Variants in RPS6KC1 observed in about 807,000 individuals in gnomAD.
The protein encoded by RPS6KC1 is inactive ribosomal protein S6 kinase delta-1.
Under a neutral mutation model 103.8 loss-of-function variants are expected in RPS6KC1, and 54 were observed. That is an observed-to-expected ratio of 0.52 (90% CI 0.42 to 0.65). The LOEUF (loss-of-function observed/expected upper bound fraction) is 0.65, where lower values mean the gene tolerates loss of function less well. RPS6KC1 is among the 30% of genes least tolerant of loss of function. The pLI is 0.00. For synonymous variants in RPS6KC1, 439 were observed against 438.7 expected (o/e 1.00, Z -0.01); for missense variants, 1,151 against 1,253.8 (o/e 0.92, Z 1.24).
chr1:213,752,105 T>A, the RPS6KC1 span, among the ~76,000 whole-genome samples: 2,195 of 152,316 alleles, frequency 0.014, 36 homozygotes, highest in East Asian at 0.07. Flanking sequence ...TAGCATTAGA[T>A]TATTTTTGAA....
chr1:213,806,974 G>C, the RPS6KC1 span, among the ~76,000 whole-genome samples: 1 of 151,694 alleles, frequency 6.6e-6, no homozygotes, highest in Non-Finnish European at 1.5e-5. Context: ...GGGCAGGCCT[G>C]GTGGTGACAA....
chr1:213,087,710 C>T (rs1211126961), intron 3 of RPS6KC1, among the ~76,000 whole-genome samples: 1 of 152,128 alleles, frequency 6.6e-6, no homozygotes, highest in Non-Finnish European at 1.5e-5. Context: ...GCAGGCTCAG[C>T]CAGTTTGGTG....
At chr1:213,631,988 C>T in the RPS6KC1 span, among the ~76,000 whole-genome samples, 1 of 152,256 alleles carries the variant, frequency 6.6e-6, no homozygotes, top group East Asian at 1.9e-4. Flanking sequence ...GAGAATGTCA[C>T]ATAAATGGAA....
chr1:213,431,337 T>C, the RPS6KC1 span, among the ~76,000 whole-genome samples: 1 of 152,150 alleles, frequency 6.6e-6, no homozygotes, highest in Non-Finnish European at 1.5e-5. Flanking sequence ...TACGGAAAAG[T>C]ACATAATTCC....
chr1:213,262,326 G>A, intron 13 of RPS6KC1, among the ~76,000 whole-genome samples: 1 of 152,150 alleles, frequency 6.6e-6, no homozygotes, highest in East Asian at 1.9e-4. Context: ...AAACTGTAAA[G>A]TGCTATATAT....
chr1:213,734,318 A>G, the RPS6KC1 span, among the ~76,000 whole-genome samples: 1 of 152,246 alleles, frequency 6.6e-6, no homozygotes, highest in South Asian at 2.1e-4. Flanking sequence ...CGATGATATC[A>G]TTTTAGCCAA....
At chr1:213,325,661 G>T in the RPS6KC1 span, among the ~76,000 whole-genome samples, 2 of 152,018 alleles carry the variant, frequency 1.3e-5, no homozygotes, top group African/African-American at 2.4e-5. Flanking sequence ...TTCTGGGAAA[G>T]AGGAAGGAAG....
the RPS6KC1 span, among the ~76,000 whole-genome samples, chr1:213,670,449 A>C: frequency 6.6e-6 from 1 of 152,210 alleles, no homozygotes; most frequent in Admixed American, 6.5e-5. Context: ...GAGCCTTTAA[A>C]ATGAAAGTGT....
At chr1:213,363,604 C>CGCTT in the RPS6KC1 span, among the ~76,000 whole-genome samples, 1,948 of 84,432 alleles carry the variant, frequency 0.023, 182 homozygotes, top group East Asian at 0.038. Context: ...CTTGCTCGCT[C>CGCTT]GCTTGCTTGC....
chr1:213,073,611 G>A (rs1049962521), intron 2 of RPS6KC1, among the ~76,000 whole-genome samples: 1 of 152,070 alleles, frequency 6.6e-6, no homozygotes, highest in African/African-American at 2.4e-5. Context: ...TATGTATTAT[G>A]TCAGAAATCT....
the RPS6KC1 span, among the ~76,000 whole-genome samples, chr1:213,298,252 T>C: frequency 6.6e-6 from 1 of 152,272 alleles, no homozygotes; most frequent in Non-Finnish European, 1.5e-5. Context: ...ATCTTTTGCC[T>C]AAATGTATAT....
the RPS6KC1 span, among the ~76,000 whole-genome samples, chr1:213,297,534 A>G: frequency 6.6e-6 from 1 of 152,198 alleles, no homozygotes; most frequent in Non-Finnish European, 1.5e-5. Flanking sequence ...TTGAGTCCAC[A>G]TGATGGAAGG....
At chr1:213,587,929 G>A in the RPS6KC1 span, among the ~76,000 whole-genome samples, 103 of 152,260 alleles carry the variant, frequency 6.8e-4, no homozygotes, top group African/African-American at 2.4e-3. Flanking sequence ...TTAAGTGTGG[G>A]TTTAGAAACA....
At chr1:213,840,032 A>G in the RPS6KC1 span, 1 of 152,136 alleles carries the variant, frequency 6.6e-6, no homozygotes, top group Non-Finnish European at 1.5e-5. Flanking sequence ...TGGACAATAC[A>G]TCGACTAAGC....
chr1:213,861,586 A>G, the RPS6KC1 span, among the ~76,000 whole-genome samples: 20 of 152,198 alleles, frequency 1.3e-4, no homozygotes. Context: ...ACACACTCTC[A>G]ATGCAAAGCC....
chr1:213,412,023 A>G, the RPS6KC1 span, among the ~76,000 whole-genome samples: 1 of 152,100 alleles, frequency 6.6e-6, no homozygotes, highest in African/African-American at 2.4e-5. Context: ...CTCACTTCCA[A>G]TGTTCCCACT....
chr1:213,738,845 T>TAAAA, the RPS6KC1 span, among the ~76,000 whole-genome samples: 3 of 35,740 alleles, frequency 8.4e-5, no homozygotes, highest in Admixed American at 3.9e-4. Context: ...AAAAAATAAA[T>TAAAA]AAATAAATAA....
the RPS6KC1 span, among the ~76,000 whole-genome samples, chr1:213,482,168 C>T: frequency 6.6e-6 from 1 of 151,970 alleles, no homozygotes; most frequent in African/African-American, 2.4e-5. Flanking sequence ...TTATATATTA[C>T]CCAGTCTCAA....
At chr1:213,708,802 A>G in the RPS6KC1 span, among the ~76,000 whole-genome samples, 2 of 152,122 alleles carry the variant, frequency 1.3e-5, no homozygotes, top group Non-Finnish European at 2.9e-5. Flanking sequence ...GCATCTATTG[A>G]GATAATCATG....
Sources: gnomAD v4.1 joint callset for allele counts (sites outside exome capture counted in the v4.1 genomes callset) on GRCh38, gnomAD v4.1.1 for gene constraint, MANE v1.5 for transcripts, NCBI Gene and HGNC (gene_info 2026-07-23, HGNC 2026-07-21) for gene names.